The following CSMD1 variants were observed in gnomAD, a reference collection of about 807,000 sequenced individuals.
CSMD1 encodes the protein CUB and sushi domain-containing protein 1.
CSMD1 carries 213 observed loss-of-function variants against 417.5 expected under a neutral mutation model. The ratio of observed to expected loss-of-function variants is 0.51; its 90% CI spans 0.46 to 0.57. CSMD1 has a LOEUF of 0.57. Among genes scored for constraint, CSMD1 ranks in the 20% least tolerant of loss-of-function variants. The probability of loss-of-function intolerance (pLI) is 0.00; values close to 1 mark genes in which losing one functional copy is unlikely to be tolerated. For synonymous variants in CSMD1, 2,862 were observed against 1,736.8 expected, an observed-to-expected ratio of 1.65 and a Z score of -16.11; for missense variants, 6,923 against 4,529.7, an observed-to-expected ratio of 1.53 and a Z score of -15.17.
intron 3 of CSMD1, among the ~76,000 whole-genome samples, chr8:4,149,413 G>C (rs945006546): frequency 2.6e-5 from 4 of 152,090 alleles, no homozygotes; most frequent in African/African-American, 9.7e-5. Context: ...CCATAGCTCT[G>C]AGCAATATTT....
intron 5 of CSMD1, among the ~76,000 whole-genome samples, chr8:3,989,718 C>T (rs953845317): frequency 6.6e-6 from 1 of 152,164 alleles, no homozygotes; most frequent in Non-Finnish European, 1.5e-5. Context: ...AACTTAGATA[C>T]TTGTATTTAC....
At chr8:4,623,930 G>A (rs866367200) in intron 2 of CSMD1, among the ~76,000 whole-genome samples, 11 of 152,006 alleles carry the variant, frequency 7.2e-5, no homozygotes, top group African/African-American at 2.2e-4. Flanking sequence ...GGTGTTCCAC[G>A]GTTGTATATA....
intron 3 of CSMD1, among the ~76,000 whole-genome samples, chr8:4,143,189 T>C (rs1024804015): frequency 6.6e-6 from 1 of 151,198 alleles, no homozygotes; most frequent in African/African-American, 2.5e-5. Context: ...AGGTAAGTGC[T>C]GAGAATGTTT....
At chr8:4,487,829 G>A (rs1801494465) in intron 2 of CSMD1, among the ~76,000 whole-genome samples, 1 of 27,224 alleles carries the variant, frequency 3.7e-5, no homozygotes, top group African/African-American at 7.0e-5. Context: ...AGATAACAAG[G>A]GCTAAACATG....
At chr8:2,956,438 ATTTATTTATTTTTATTTATTTATTT>A (rs1426281958) in intron 63 of CSMD1, among the ~76,000 whole-genome samples, 21 of 151,820 alleles carry the variant, frequency 1.4e-4, no homozygotes, top group Non-Finnish European at 2.7e-4. Flanking sequence ...TTACAATTTT[ATTTATTTATTTTTATTTATTTATTT>A]TTTATTTATT....
Position 3,897,066 on chromosome 8 carries a change from C to G in CSMD1, c.818+100837G>C, listed in dbSNP as rs979501736. ...TCTTTTATTAAGGGAAATTATTGTA[C>G]TGGAAGTTTCCGAATGTTCCTTTCA... On this transcript the variant is annotated intron_variant, in intron 5 of 69. Transcript: ENST00000635120. 8.5e-5 allele frequency among the ~76,000 whole-genome samples: 13 copies of G among 152,146 alleles called. No homozygotes were observed. In the South Asian group the frequency reaches 2.5e-3, roughly 29 times the overall value.
At chr8:4,043,126 C>A (rs1048497558) in intron 3 of CSMD1, among the ~76,000 whole-genome samples, 1 of 152,000 alleles carries the variant, frequency 6.6e-6, no homozygotes, top group African/African-American at 2.4e-5. Context: ...CAGTGAGACT[C>A]TGTCTACAAA....
intron 3 of CSMD1, among the ~76,000 whole-genome samples, chr8:4,240,329 C>G (rs958251943): frequency 6.6e-6 from 1 of 152,166 alleles, no homozygotes; most frequent in South Asian, 2.1e-4. Context: ...TCTGGTGTTG[C>G]TGCATCTTTG....
chr8:3,611,574 T>C (rs1035272919), intron 8 of CSMD1, among the ~76,000 whole-genome samples: 9 of 152,192 alleles, frequency 5.9e-5, no homozygotes, highest in African/African-American at 1.2e-4. Context: ...TTTCTAATTT[T>C]CATTAGTAAT....
rs567690798 is a variant in CSMD1 at position 4,031,527 on chromosome 8, G to T, written c.610+378C>A. ...TACCAGGTTCCTCCCACAACATGTG[G>T]GAATTGTGGGAACTACCGTTCAACA... is the stretch of plus-strand genomic sequence containing the variant. On this transcript the variant is annotated intron_variant, in intron 4 of 69. Transcript: ENST00000635120. Among the ~76,000 whole-genome samples the T allele has an allele frequency of 4.6e-5, 7 of 152,242 alleles. No homozygotes were observed. The East Asian group carries it at 1.4e-3, about 29-fold the overall frequency.
intron 3 of CSMD1, among the ~76,000 whole-genome samples, chr8:4,375,685 G>C (rs973004154): frequency 1.3e-5 from 2 of 152,134 alleles, no homozygotes; most frequent in South Asian, 2.1e-4. Context: ...CACAGAGTGA[G>C]AGGGGTAATT....
chr8:4,558,798 G>A (rs1422587474), intron 2 of CSMD1, among the ~76,000 whole-genome samples: 2 of 152,186 alleles, frequency 1.3e-5, no homozygotes, highest in African/African-American at 4.8e-5. Flanking sequence ...AACCCAGGAG[G>A]TGGACGTTGC....
chr8:3,139,277 T>A (rs1245789381), intron 41 of CSMD1, among the ~76,000 whole-genome samples: 1 of 152,006 alleles, frequency 6.6e-6, no homozygotes, highest in South Asian at 2.1e-4. Context: ...ACGGAAAGCA[T>A]AGGATGGAAA....
At chr8:4,542,434 T>G (rs1031433350) in intron 2 of CSMD1, among the ~76,000 whole-genome samples, 1 of 152,252 alleles carries the variant, frequency 6.6e-6, no homozygotes, top group Non-Finnish European at 1.5e-5. Context: ...TGACGTTTTA[T>G]AGAACACAGT....
intron 2 of CSMD1, among the ~76,000 whole-genome samples, chr8:4,529,332 C>A (rs950669824): frequency 1.3e-5 from 2 of 152,142 alleles, no homozygotes; most frequent in Non-Finnish European, 2.9e-5. Context: ...TACAAGAATC[C>A]AGCTGTCTGC....
chr8:4,934,410 G>C (rs779584707), intron 1 of CSMD1, among the ~76,000 whole-genome samples: 1 of 152,098 alleles, frequency 6.6e-6, no homozygotes, highest in Non-Finnish European at 1.5e-5. Flanking sequence ...AATTCAGGAA[G>C]GCATTCTATC....
chr8:4,452,755 TATC>T, intron 2 of CSMD1, among the ~76,000 whole-genome samples: 1 of 152,168 alleles, frequency 6.6e-6, no homozygotes, highest in South Asian at 2.1e-4. Flanking sequence ...TCTTTCAACA[TATC>T]ATCCAATAAC....
At chr8:4,687,577 C>T (rs1806472736) in intron 1 of CSMD1, among the ~76,000 whole-genome samples, 1 of 152,200 alleles carries the variant, frequency 6.6e-6, no homozygotes, top group South Asian at 2.1e-4. Context: ...AGGAGCATCA[C>T]AAGAATTTAA....
chr8:3,432,074 G>C (rs571741866), intron 12 of CSMD1, among the ~76,000 whole-genome samples: 2 of 152,200 alleles, frequency 1.3e-5, no homozygotes, highest in South Asian at 2.1e-4. Flanking sequence ...TAATAATAGG[G>C]TCTGAGGAAA....
Sources: gnomAD v4.1 joint callset for allele counts (sites outside exome capture counted in the v4.1 genomes callset) on GRCh38, gnomAD v4.1.1 for gene constraint, MANE v1.5 for transcripts, NCBI Gene and HGNC (gene_info 2026-07-23, HGNC 2026-07-21) for gene names.